PRKAR2B: variants seen among roughly 807,000 people sequenced by gnomAD.
The protein encoded by PRKAR2B is protein kinase cAMP-dependent type II regulatory subunit beta, also known as cAMP-dependent protein kinase type II-beta regulatory subunit.
In PRKAR2B, 14 loss-of-function variants were observed where a neutral mutation model predicts 49.9. That is an observed-to-expected ratio of 0.28 (90% CI 0.19 to 0.44). The LOEUF (loss-of-function observed/expected upper bound fraction) is 0.44, where lower values mean the gene tolerates loss of function less well. Ranked by LOEUF, PRKAR2B falls within the 20% of genes least tolerant of loss-of-function variation. The pLI is 1.00. For missense variants in PRKAR2B, 393 were observed against 537.9 expected, an observed-to-expected ratio of 0.73 and a Z score of 2.67; for synonymous variants, 196 against 197.7, an observed-to-expected ratio of 0.99 and a Z score of 0.07.
chr7:107,112,233 T>G (rs1410955578), intron 2 of PRKAR2B, among the ~76,000 whole-genome samples: 1 of 148,788 alleles, frequency 6.7e-6, no homozygotes, highest in East Asian at 1.9e-4. Flanking sequence ...TCCTCTCTAA[T>G]TAATACTGAC....
In PRKAR2B at chr7:107,088,110, C is replaced by T. The variant is rs921808703; in HGVS notation, c.343+17794C>T. On this transcript the variant is annotated intron_variant, in intron 2 of 10. Transcript: ENST00000265717. Reference sequence around the variant, plus strand: ...TATTATTATTTCCGTTTTAAAGAAACGAAAACTGAGGCACAGAGAAATTAA... The same window carrying T: ...TATTATTATTTCCGTTTTAAAGAAATGAAAACTGAGGCACAGAGAAATTAA... Among the ~76,000 whole-genome samples, 6 of 152,056 alleles carry T rather than the reference C, an allele frequency of 3.9e-5. No homozygotes were observed. The East Asian group carries it at 5.8e-4, about 15-fold the overall frequency.
chr7:107,045,178 G>A lies in PRKAR2B; in HGVS notation c.271G>A (p.Glu91Lys). Residue 91 changes from glutamate (E) to lysine (K), a missense_variant, in exon 1 of 11, where the codon GAG becomes AAG. Physicochemically the swap from Glu to Lys is moderately conservative, Grantham distance 56. This residue lies in a region of PRKAR2B where 160 missense variants were observed against 147.6 expected (regional missense o/e 1.08). Coordinates refer to ENST00000265717, the MANE Select transcript of PRKAR2B (RefSeq NM_002736.3). ...MQSDSEDGEE[E>K]EAAPADAGAF... ...GTCCGACTCCGAGGACGGGGAGGAGGAGGAGGCGGCGCCCGCGGACGCAGG... is the reference window on the plus strand; with the variant it reads ...GTCCGACTCCGAGGACGGGGAGGAGAAGGAGGCGGCGCCCGCGGACGCAGG... 4.1e-6 allele frequency: 6 copies of A among 1,469,008 alleles called. No homozygotes were observed. The highest frequency in any genetic ancestry group is 5.4e-6 in the Non-Finnish European group (6 of 1,111,312). 91.0% of individuals were successfully genotyped at this position (1,469,008 alleles called of 1,614,324 possible).
At position 107,126,298 on chromosome 7, in the gene PRKAR2B, G is replaced by A. The variant is rs564378570; in HGVS notation, c.397-1914G>A. ...AAGCCAGGCGTGGTGGCAGGCACCT[G>A]TAGTCCCAGCTACTCAGGAGGCTGA... On this transcript the variant is annotated intron_variant, in intron 3 of 10. Transcript: ENST00000265717. Among the ~76,000 whole-genome samples the A allele has an allele frequency of 2.0e-3, 300 of 149,276 alleles. 2 individuals carry two copies. The highest frequency in any genetic ancestry group is 7.0e-3 in the African/African-American group (283 of 40,562).
At chr7:107,119,787 C>T (rs1795355370) in intron 2 of PRKAR2B, among the ~76,000 whole-genome samples, 1 of 152,172 alleles carries the variant, frequency 6.6e-6, no homozygotes, top group Non-Finnish European at 1.5e-5. Context: ...CTGGTCCCAT[C>T]CTTCATTCAG....
rs1584448725 is a variant in PRKAR2B, at chr7:107,139,505, A to G, written c.481-1342A>G. Among the ~76,000 whole-genome samples, 2 of 152,176 alleles carry G rather than the reference A, an allele frequency of 1.3e-5. 1 individual carries two copies. The highest frequency in any genetic ancestry group is 2.9e-5 in the Non-Finnish European group (2 of 68,030). On this transcript the variant is annotated intron_variant, in intron 4 of 10. Transcript: ENST00000265717. ...TCAACTAATCTCTGCAGGACTTTAA[A>G]TCAGTCCGCTTGTCTTTAGCTTTGT...
At chr7:107,123,666 G>T (rs1795428770) in intron 3 of PRKAR2B, among the ~76,000 whole-genome samples, 1 of 152,132 alleles carries the variant, frequency 6.6e-6, no homozygotes, top group South Asian at 2.1e-4. Flanking sequence ...CCCAGCTTTG[G>T]CCCAGGGTAG....
At chr7:107,150,664 C>A in intron 6 of PRKAR2B, among the ~76,000 whole-genome samples, 1 of 143,612 alleles carries the variant, frequency 7.0e-6, no homozygotes, top group African/African-American at 2.6e-5. Context: ...GGTCAGATTT[C>A]TGTTATGTAT....
chr7:107,111,517 G>A (rs563952258), intron 2 of PRKAR2B, among the ~76,000 whole-genome samples: 6 of 152,312 alleles, frequency 3.9e-5, no homozygotes, highest in African/African-American at 1.4e-4. Flanking sequence ...TCTCCAGGCA[G>A]CTCAAAACAC....
chr7:107,087,925 G>C (rs1225263008), intron 2 of PRKAR2B, among the ~76,000 whole-genome samples: 1 of 149,752 alleles, frequency 6.7e-6, no homozygotes. Flanking sequence ...TTTAACTCAG[G>C]GTCCTCAGGA....
chr7:107,097,554 A>G (rs1476532950), intron 2 of PRKAR2B, among the ~76,000 whole-genome samples: 3 of 152,130 alleles, frequency 2.0e-5, no homozygotes, highest in African/African-American at 7.2e-5. Context: ...TGTCATTATG[A>G]TGTTAGCTGG....
At chr7:107,050,023 T>C (rs915586167) in intron 1 of PRKAR2B, among the ~76,000 whole-genome samples, 1 of 152,184 alleles carries the variant, frequency 6.6e-6, no homozygotes, top group African/African-American at 2.4e-5. Context: ...ATTATTCATT[T>C]TACTAGTAAT....
intron 1 of PRKAR2B, among the ~76,000 whole-genome samples, chr7:107,054,578 T>C (rs1793874125): frequency 6.6e-6 from 1 of 152,156 alleles, no homozygotes; most frequent in Non-Finnish European, 1.5e-5. Flanking sequence ...ACTATCAATA[T>C]GGTAGGATGA....
At chr7:107,126,451 T>A in intron 3 of PRKAR2B, among the ~76,000 whole-genome samples, 1 of 133,784 alleles carries the variant, frequency 7.5e-6, no homozygotes, top group Middle Eastern at 4.3e-3. Context: ...AAAGTCGTCA[T>A]TGGTACGAGA....
intron 6 of PRKAR2B, among the ~76,000 whole-genome samples, chr7:107,150,613 T>C (rs958298289): frequency 5.3e-5 from 8 of 151,224 alleles, no homozygotes; most frequent in Non-Finnish European, 8.8e-5. Context: ...TATTTAAAAA[T>C]GCTGTGACAG....
chr7:107,146,387 G>A lies in PRKAR2B; in HGVS notation c.667G>A (p.Glu223Lys). ...CTATGATAATCGTGGGAGTTTCGGC[G>A]AACTGGCCTTAATGTACAATACACC... ...GNYDNRGSFG[E>K]LALMYNTPRA... The change falls in exon 6 of 11, where the codon GAA (glutamate) becomes AAA (lysine). Residue 223 changes from glutamate (E) to lysine (K), a missense_variant. Glu to Lys is a moderately conservative substitution (Grantham distance 56, BLOSUM62 1). This residue lies in a region of PRKAR2B where 233 missense variants were observed against 390.4 expected (regional missense o/e 0.60). Coordinates refer to ENST00000265717, the MANE Select transcript of PRKAR2B (RefSeq NM_002736.3). The A allele has an allele frequency of 1.2e-6, 2 of 1,614,098 alleles. No homozygotes were observed. The highest frequency in any genetic ancestry group is 1.7e-6 in the Non-Finnish European group (2 of 1,180,012).
At chr7:107,090,163 A>G (rs1418493783) in intron 2 of PRKAR2B, among the ~76,000 whole-genome samples, 1 of 152,212 alleles carries the variant, frequency 6.6e-6, no homozygotes, top group African/African-American at 2.4e-5. Context: ...AGAATCACCA[A>G]GTCACAGCAA....
At chr7:107,099,577 G>T (rs562359229) in intron 2 of PRKAR2B, among the ~76,000 whole-genome samples, 4 of 151,928 alleles carry the variant, frequency 2.6e-5, no homozygotes, top group Non-Finnish European at 4.4e-5. Flanking sequence ...CGTCTTCTGC[G>T]TTGCTCACCC....
chr7:107,153,382 C>G, intron 8 of PRKAR2B, 131 bp downstream of exon 8: 2 of 535,660 alleles, frequency 3.7e-6, no homozygotes, highest in East Asian at 6.4e-5. Flanking sequence ...ATTACTTCTA[C>G]CAAATGACCT....
intron 1 of PRKAR2B, chr7:107,067,375 G>T (rs1156604502): frequency 6.6e-6 from 1 of 152,122 alleles, no homozygotes; most frequent in Non-Finnish European, 1.5e-5. Flanking sequence ...TGGATTTTTG[G>T]TGATTGTTCT....
Sources: gnomAD v4.1 joint callset for allele counts (sites outside exome capture counted in the v4.1 genomes callset) on GRCh38, gnomAD v4.1.1 for gene constraint, gnomAD v4.1.1 regional missense constraint, MANE v1.5 for transcripts, NCBI Gene and HGNC (gene_info 2026-07-23, HGNC 2026-07-21) for gene names.